TMOD3: variants seen among roughly 807,000 people sequenced by gnomAD.
TMOD3 encodes the protein tropomodulin-3.
A neutral mutation model predicts 39.2 loss-of-function variants in TMOD3; 20 were observed. That is an observed-to-expected ratio of 0.51 (90% CI 0.36 to 0.74). The LOEUF is 0.74. TMOD3 is among the 30% of genes least tolerant of loss of function. TMOD3 has a pLI of 0.00. For missense variants in TMOD3, 381 were observed against 412.8 expected (o/e 0.92, Z 0.67); for synonymous variants, 143 against 145.8 (o/e 0.98, Z 0.14).
At chr15:51,891,843 TC>T (rs2056595088) in intron 5 of TMOD3, among the ~76,000 whole-genome samples, 1 of 152,238 alleles carries the variant, frequency 6.6e-6, no homozygotes, top group African/African-American at 2.4e-5. Context: ...AGGAAGCTTT[TC>T]CTTGTCTTGA....
intron 3 of TMOD3, among the ~76,000 whole-genome samples, chr15:51,871,019 GA>G (rs2056472183): frequency 6.6e-6 from 1 of 152,028 alleles, no homozygotes; most frequent in African/African-American, 2.4e-5. Context: ...AGAGTCTGCT[GA>G]TTTAAATTTT....
In TMOD3 at chr15:51,831,779, A is replaced by G. The variant is rs2056256611; in HGVS notation, c.-75+1943A>G. 2.8e-5 allele frequency among the ~76,000 whole-genome samples: 4 copies of G among 144,982 alleles called. 1 individual carries two copies. The South Asian group carries it at 8.6e-4, about 31-fold the overall frequency. On this transcript the variant is annotated intron_variant, in intron 1 of 9. Coordinates refer to ENST00000308580, the MANE Select transcript of TMOD3 (RefSeq NM_014547.5). ...TTTCTCTCCTCCTCTTCCTTCCTTA[A>G]TTGTTTTCATTCACATTAATTTGGC...
intron 9 of TMOD3, among the ~76,000 whole-genome samples, chr15:51,908,517 C>G (rs1162204163): frequency 6.6e-6 from 1 of 151,864 alleles, no homozygotes; most frequent in Non-Finnish European, 1.5e-5. Context: ...GTAAGCACAG[C>G]TATGAGTCAT....
intron 3 of TMOD3, among the ~76,000 whole-genome samples, chr15:51,883,118 C>T (rs1005313997): frequency 4.6e-5 from 7 of 152,226 alleles, no homozygotes; most frequent in African/African-American, 1.7e-4. Context: ...TGGCAAAAAT[C>T]TCTACATACA....
intron 1 of TMOD3, among the ~76,000 whole-genome samples, chr15:51,855,880 C>A (rs1345020601): frequency 6.6e-6 from 1 of 152,166 alleles, no homozygotes; most frequent in Non-Finnish European, 1.5e-5. Flanking sequence ...TGTCAGTATA[C>A]AAATGTTCCT....
chr15:51,834,963 TA>T (rs2056275035), intron 1 of TMOD3: 1 of 152,238 alleles, frequency 6.6e-6, no homozygotes, highest in African/African-American at 2.4e-5. Flanking sequence ...ACCCTGACCT[TA>T]AAAATTAAAT....
At chr15:51,843,130 A>T (rs768683572) in intron 1 of TMOD3, among the ~76,000 whole-genome samples, 6 of 152,200 alleles carry the variant, frequency 3.9e-5, no homozygotes, top group Non-Finnish European at 7.3e-5. Context: ...GAGGAAAAAG[A>T]GTAGTCAGAG....
Position 51,911,920 on chromosome 15 carries a change from G to C in TMOD3, c.*3110G>C, listed in dbSNP as rs1267804258. Reference sequence around the variant, plus strand: ...GCATTTTGTATTAAATAAATTAGCAGATGGTTAGAGACTTCAAGGAGAGTT... The same window carrying C: ...GCATTTTGTATTAAATAAATTAGCACATGGTTAGAGACTTCAAGGAGAGTT... On this transcript the variant is annotated 3_prime_UTR_variant, in exon 10 of 10. Transcript: ENST00000308580. 2 of 152,194 alleles carry C rather than the reference G, an allele frequency of 1.3e-5. No individual in the cohort carries two copies. Among genetic ancestry groups the C allele is most frequent in the Admixed American group, 1.3e-4 (2 of 15,276 alleles). 9.4% of individuals were successfully genotyped at this position (152,194 alleles called of 1,614,324 possible). A position where few individuals can be genotyped will look rare whatever the true frequency, so the allele number is the denominator to read the frequency against.
At position 51,863,006 on chromosome 15, in the gene TMOD3, C is replaced by T. The variant is rs1374317763; in HGVS notation, c.122C>T (p.Pro41Leu). 3 of 1,612,282 alleles carry T rather than the reference C, an allele frequency of 1.9e-6. No individual in the cohort carries two copies. The highest frequency in any genetic ancestry group is 1.1e-5 in the South Asian group (1 of 90,692). The change falls in exon 2 of 10, where the codon CCC (proline) becomes CTC (leucine). Residue 41 changes from proline (P) to leucine (L), a missense_variant. By Grantham distance (98) the Pro-to-Leu change is moderately conservative. Transcript: ENST00000308580. ...QLETVLDDLD[P>L]ENALLPAGFR... ...GAAACTGTTTTGGATGATCTTGACC[C>T]CGAGGTAGGTGCTAGGTGATGAAGA...
chr15:51,858,383 A>G (rs922946244), intron 1 of TMOD3: 1 of 151,996 alleles, frequency 6.6e-6, no homozygotes, highest in Non-Finnish European at 1.5e-5. Context: ...TGGAGGTACA[A>G]AATGGACGCT....
intron 1 of TMOD3, among the ~76,000 whole-genome samples, chr15:51,850,116 A>G (rs2056354059): frequency 6.6e-6 from 1 of 152,154 alleles, no homozygotes; most frequent in Non-Finnish European, 1.5e-5. Context: ...TTTGGCTGTA[A>G]AGTGGAGCCA....
intron 1 of TMOD3, among the ~76,000 whole-genome samples, chr15:51,835,600 C>T (rs1037549163): frequency 2.6e-5 from 4 of 152,170 alleles, no homozygotes; most frequent in African/African-American, 7.2e-5. Flanking sequence ...TGAGCCACCA[C>T]ACCCAGCCTT....
At chr15:51,835,518 A>G (rs1260901378) in intron 1 of TMOD3, among the ~76,000 whole-genome samples, 2 of 152,184 alleles carry the variant, frequency 1.3e-5, no homozygotes, top group African/African-American at 4.8e-5. Context: ...CATGTTTCCC[A>G]GGCTGTCCTT....
intron 6 of TMOD3, among the ~76,000 whole-genome samples, chr15:51,894,628 A>T (rs1240261190): frequency 1.3e-5 from 2 of 152,024 alleles, no homozygotes; most frequent in Non-Finnish European, 2.9e-5. Context: ...TTCTTTCCCT[A>T]TTATTTTGCC....
rs1275492384 is a variant in TMOD3 at position 51,909,319 on chromosome 15, A to C, written c.*509A>C. ...AAATGCCAGAATGTTAAAACAGTTA[A>C]CTCAAAATCTAGTCATCTGTGTAGG... On this transcript the variant is annotated 3_prime_UTR_variant, in exon 10 of 10. Coordinates refer to ENST00000308580, the MANE Select transcript of TMOD3 (RefSeq NM_014547.5). The C allele has an allele frequency of 6.5e-6, 1 of 153,150 alleles. No homozygotes were observed. The highest frequency in any genetic ancestry group is 2.4e-5 in the African/African-American group (1 of 41,460). The allele number at this position is 153,150 out of a possible 1,614,324, so 9.5% of individuals were successfully genotyped here.
chr15:51,838,408 C>G (rs112271461), intron 1 of TMOD3, among the ~76,000 whole-genome samples: 1 of 152,088 alleles, frequency 6.6e-6, no homozygotes, highest in Non-Finnish European at 1.5e-5. Context: ...TCCGGGAACA[C>G]AAACCCACTT....
At chr15:51,850,364 A>G (rs770236167) in intron 1 of TMOD3, among the ~76,000 whole-genome samples, 2 of 152,150 alleles carry the variant, frequency 1.3e-5, no homozygotes, top group Non-Finnish European at 2.9e-5. Context: ...TGGACAGTTT[A>G]TCCATAATAG....
intron 7 of TMOD3, among the ~76,000 whole-genome samples, chr15:51,898,787 A>G (rs950446658): frequency 1.3e-5 from 2 of 151,964 alleles, no homozygotes; most frequent in African/African-American, 2.4e-5. Flanking sequence ...TAAACTCATG[A>G]TCATTGTTCT....
chr15:51,889,959 G>A (rs2056583873), intron 5 of TMOD3, among the ~76,000 whole-genome samples: 1 of 152,090 alleles, frequency 6.6e-6, no homozygotes, highest in South Asian at 2.1e-4. Context: ...TATGGGAAGA[G>A]GTAAAAGTGT....
Sources: allele counts gnomAD v4.1 joint callset (sites outside exome capture counted in the v4.1 genomes callset), GRCh38; gene constraint gnomAD v4.1.1; transcripts MANE v1.5; gene names NCBI Gene and HGNC (gene_info 2026-07-23, HGNC 2026-07-21).